Variants in CHD6 observed in about 807,000 individuals in gnomAD.
The protein encoded by CHD6 is chromodomain helicase DNA binding protein 6.
Under a neutral mutation model 276.9 loss-of-function variants are expected in CHD6, and 50 were observed. The ratio of observed to expected loss-of-function variants is 0.18; its 90% confidence interval spans 0.14 to 0.23. The LOEUF is 0.23. CHD6 is among the 10% of genes least tolerant of loss of function. The probability of loss-of-function intolerance (pLI) is 1.00; values close to 1 mark genes in which losing one functional copy is unlikely to be tolerated. For missense variants in CHD6, 2,564 were observed against 3,365.8 expected, an observed-to-expected ratio of 0.76 and a Z score of 5.89; for synonymous variants, 1,173 against 1,229.3, an observed-to-expected ratio of 0.95 and a Z score of 0.96.
At chr20:41,412,101 G>C in intron 36 of CHD6, 43 bp downstream of exon 36, 2 of 1,609,616 alleles carry the variant, frequency 1.2e-6, no homozygotes. Flanking sequence ...GCTCAACCAG[G>C]ATGCTCCTCC....
chr20:41,609,785 T>G (rs1296436122), intron 1 of CHD6, among the ~76,000 whole-genome samples: 3 of 152,148 alleles, frequency 2.0e-5, no homozygotes, highest in Admixed American at 2.0e-4. Context: ...CTCACTTTGT[T>G]ACGACTGGAC....
chr20:41,523,099 C>A (rs1292264120), intron 3 of CHD6, among the ~76,000 whole-genome samples: 1 of 152,164 alleles, frequency 6.6e-6, no homozygotes, highest in Non-Finnish European at 1.5e-5. Flanking sequence ...CCCAGACAGG[C>A]ACAGGGGGTC....
At chr20:41,489,014 T>C (rs2043486009) in intron 12 of CHD6, among the ~76,000 whole-genome samples, 1 of 152,232 alleles carries the variant, frequency 6.6e-6, no homozygotes, top group Admixed American at 6.5e-5. Flanking sequence ...TTTCACCTTA[T>C]AATTTGAGTT....
At chr20:41,539,128 G>T (rs2044891568) in intron 2 of CHD6, among the ~76,000 whole-genome samples, 1 of 152,138 alleles carries the variant, frequency 6.6e-6, no homozygotes, top group African/African-American at 2.4e-5. Context: ...CCTAATGAAG[G>T]CTTTGATCCA....
At chr20:41,460,645 G>C (rs1400279640) in intron 17 of CHD6, among the ~76,000 whole-genome samples, 1 of 152,364 alleles carries the variant, frequency 6.6e-6, no homozygotes, top group East Asian at 1.9e-4. Context: ...GTCAAGAATT[G>C]AGATTTGGGA....
chr20:41,424,922 G>A (rs906392307), intron 29 of CHD6, among the ~76,000 whole-genome samples: 5 of 152,288 alleles, frequency 3.3e-5, no homozygotes, highest in Middle Eastern at 3.4e-3. Context: ...CAGAGACTGG[G>A]GTTTAACTTA....
At chr20:41,584,281 AGATAT>A (rs1176238731) in intron 1 of CHD6, among the ~76,000 whole-genome samples, 1 of 152,202 alleles carries the variant, frequency 6.6e-6, no homozygotes, top group Non-Finnish European at 1.5e-5. Context: ...TTCATCGAAA[AGATAT>A]AACGATCCTT....
chr20:41,416,309 C>CT (rs2046994488), intron 33 of CHD6, among the ~76,000 whole-genome samples: 1 of 152,186 alleles, frequency 6.6e-6, no homozygotes, highest in African/African-American at 2.4e-5. Flanking sequence ...TAGAACCTCT[C>CT]TTTATCAGTT....
chr20:41,565,014 C>A (rs960741002), intron 1 of CHD6, among the ~76,000 whole-genome samples: 2 of 151,822 alleles, frequency 1.3e-5, no homozygotes, highest in African/African-American at 4.8e-5. Context: ...GTGAGTCATA[C>A]CCAGGTAGAA....
At position 41,504,412 on chromosome 20, in the gene CHD6, T is replaced by C. The variant is rs1454600597; in HGVS notation, c.853-5055A>G. 1.6e-3 allele frequency among the ~76,000 whole-genome samples: 227 copies of C among 145,514 alleles called. 1 individual carries two copies. The Middle Eastern group carries it at 0.021, about 13-fold the overall frequency. ...TCTTTTCCTCTATTTTCTTTTTTTT[T>C]TTTTTTTTTTTTTTAGACAGGATCT... On this transcript the variant is annotated intron_variant, in intron 5 of 36. Transcript: ENST00000373233.
chr20:41,431,776 C>CTTTTTTTTTTTTTTTTTTTTTTT (rs61227802), intron 27 of CHD6, among the ~76,000 whole-genome samples: 3 of 104,760 alleles, frequency 2.9e-5, no homozygotes, highest in Non-Finnish European at 3.9e-5. Context: ...AAAAAACATG[C>CTTTTTTTTTTTTTTTTTTTTTTT]TTTTTTTTTT....
At chr20:41,602,103 G>T (rs6072442) in intron 1 of CHD6, among the ~76,000 whole-genome samples, 58,166 of 152,026 alleles carry the variant, frequency 0.38, 13,838 homozygotes, top group African/African-American at 0.65. Flanking sequence ...TTTCATTTCC[G>T]TGGTGCTCTA....
At position 41,417,318 on chromosome 20, in the gene CHD6, G is replaced by A; in HGVS notation, c.6159C>T (p.Ser2053=). The A allele has an allele frequency of 6.2e-7, 1 of 1,614,078 alleles. No individual in the cohort carries two copies. The highest frequency in any genetic ancestry group is 1.3e-5 in the African/African-American group (1 of 75,040). Residue 2053 remains serine, a synonymous_variant, in exon 32 of 37, where the codon AGC becomes AGT. Coordinates refer to ENST00000373233, the MANE Select transcript of CHD6 (RefSeq NM_032221.5). Reference sequence around the variant, plus strand: ...CTGTGATGCCCGATGTTGAGCTCTTGCTCTCCTCTTCAGAGTACTTCCCTG... The same window carrying A: ...CTGTGATGCCCGATGTTGAGCTCTTACTCTCCTCTTCAGAGTACTTCCCTG... ...DYPGKYSEEE[S]KSSTSGITGD...
At chr20:41,428,803 C>CT (rs1309005509) in intron 27 of CHD6, among the ~76,000 whole-genome samples, 5 of 152,108 alleles carry the variant, frequency 3.3e-5, no homozygotes, top group East Asian at 1.9e-4. Context: ...GGCTGTATGG[C>CT]TTTTTTGCAG....
chr20:41,437,447 C>T (rs1243380514), intron 26 of CHD6, 113 bp from the exon 27 acceptor site: 8 of 651,084 alleles, frequency 1.2e-5, no homozygotes, highest in Non-Finnish European at 2.2e-5. Context: ...GGGGGAGAGA[C>T]AGGGCGAGAG....
chr20:41,423,163 A>T (rs947055772), intron 30 of CHD6, among the ~76,000 whole-genome samples: 1 of 152,286 alleles, frequency 6.6e-6, no homozygotes, highest in African/African-American at 2.4e-5. Flanking sequence ...AGTTCAGAGT[A>T]GGATAAATCT....
chr20:41,470,812 G>A (rs968438156), intron 17 of CHD6, among the ~76,000 whole-genome samples: 2 of 152,242 alleles, frequency 1.3e-5, no homozygotes, highest in African/African-American at 4.8e-5. Flanking sequence ...AACTGGTAAT[G>A]TGTAGACTTC....
intron 17 of CHD6, among the ~76,000 whole-genome samples, chr20:41,471,074 G>A (rs2043041570): frequency 6.6e-6 from 1 of 152,194 alleles, no homozygotes; most frequent in East Asian, 1.9e-4. Flanking sequence ...TTTTGGGGTT[G>A]GCAAAAATCT....
At chr20:41,568,251 C>T (rs6102472) in intron 1 of CHD6, among the ~76,000 whole-genome samples, 57,092 of 151,970 alleles carry the variant, frequency 0.38, 13,264 homozygotes, top group African/African-American at 0.64. Flanking sequence ...GGGATATAAC[C>T]GTACATAATT....
Sources: gnomAD v4.1 joint callset for allele counts (sites outside exome capture counted in the v4.1 genomes callset) on GRCh38, gnomAD v4.1.1 for gene constraint, MANE v1.5 for transcripts, NCBI Gene and HGNC (gene_info 2026-07-23, HGNC 2026-07-21) for gene names.